Variants in IARS1 observed in about 807,000 individuals in gnomAD.
The protein encoded by IARS1 is isoleucine--tRNA ligase, cytoplasmic.
In IARS1, 124 loss-of-function variants were observed where a neutral mutation model predicts 168.2. The ratio of observed to expected loss-of-function variants is 0.74; its 90% CI spans 0.64 to 0.86. The LOEUF is 0.86. Among genes scored for constraint, IARS1 ranks in the 40% least tolerant of loss-of-function variants. The pLI, the probability that IARS1 is intolerant of heterozygous loss-of-function variation, is 0.00. For missense variants in IARS1, 1,452 were observed against 1,515.8 expected, an observed-to-expected ratio of 0.96 and a Z score of 0.70; for synonymous variants, 532 against 529.4, an observed-to-expected ratio of 1.00 and a Z score of -0.07.
intron 33 of IARS1, among the ~76,000 whole-genome samples, chr9:92,218,706 A>G (rs1215756028): frequency 1.7e-5 from 2 of 117,298 alleles, no homozygotes; most frequent in African/African-American, 8.7e-5. Flanking sequence ...TAGGAATCCA[A>G]CTTACAAGGG....
intron 9 of IARS1, among the ~76,000 whole-genome samples, chr9:92,277,643 C>A (rs1346759262): frequency 6.7e-6 from 1 of 149,750 alleles, no homozygotes; most frequent in Non-Finnish European, 1.5e-5. Flanking sequence ...CCACTGCACT[C>A]CAGCCTGGGG....
Position 92,235,340 on chromosome 9 carries a change from T to C in IARS1, c.3283+5516A>G, listed in dbSNP as rs190597351. On this transcript the variant is annotated intron_variant, in intron 30 of 33. Transcript: ENST00000443024. ...AGGCTTTCCCCATTAGGTATAATGG[T>C]AGCTGTAGGATTTTTGCAAAATGCT... Among the ~76,000 whole-genome samples, 418 of 152,238 alleles carry C rather than the reference T, an allele frequency of 2.7e-3. 2 individuals are homozygous for C. Among genetic ancestry groups the C allele is most frequent in the African/African-American group, 9.3e-3 (387 of 41,536 alleles).
chr9:92,222,424 A>G (rs772408948), intron 33 of IARS1, 96 bp downstream of exon 33: 126 of 806,316 alleles, frequency 1.6e-4, no homozygotes, highest in Non-Finnish European at 2.4e-4. Flanking sequence ...CAGGATAACA[A>G]TAGTACTATC....
At chr9:92,219,381 C>G (rs1839302430) in intron 33 of IARS1, among the ~76,000 whole-genome samples, 1 of 151,086 alleles carries the variant, frequency 6.6e-6, no homozygotes, top group South Asian at 2.1e-4. Flanking sequence ...GTCTAAAACA[C>G]CAAAAGCAAT....
At chr9:92,290,469 A>G (rs1345552662) in intron 1 of IARS1, among the ~76,000 whole-genome samples, 7 of 152,138 alleles carry the variant, frequency 4.6e-5, no homozygotes, top group African/African-American at 9.7e-5. Flanking sequence ...GATTTATAAA[A>G]AATTTCTCCT....
At chr9:92,248,114 A>G (rs1172842932) in intron 25 of IARS1, among the ~76,000 whole-genome samples, 1 of 152,232 alleles carries the variant, frequency 6.6e-6, no homozygotes, top group Non-Finnish European at 1.5e-5. Context: ...ACCCAGAAAT[A>G]TAAACCTCAT....
intron 14 of IARS1, among the ~76,000 whole-genome samples, 178 bp from the exon 15 acceptor site, chr9:92,265,731 C>T (rs536898715): frequency 6.6e-6 from 1 of 152,164 alleles, no homozygotes; most frequent in South Asian, 2.1e-4. Flanking sequence ...AATCACAGCT[C>T]ACTGCAGCCT....
intron 33 of IARS1, among the ~76,000 whole-genome samples, 156 bp from the exon 34 acceptor site, chr9:92,211,045 T>C (rs1837661486): frequency 6.6e-6 from 1 of 152,208 alleles, no homozygotes; most frequent in African/African-American, 2.4e-5. Flanking sequence ...TCTAAATCCT[T>C]GGAATTTCCT....
intron 13 of IARS1, among the ~76,000 whole-genome samples, chr9:92,268,636 C>T (rs1832621987): frequency 6.6e-6 from 1 of 152,236 alleles, no homozygotes; most frequent in East Asian, 1.9e-4. Flanking sequence ...ATTATCCTCA[C>T]CATAGCAGTT....
At position 92,265,490 on chromosome 9, in the gene IARS1, G is replaced by A. The variant is rs1170448215; in HGVS notation, c.1495C>T (p.His499Tyr). The change falls in exon 15 of 34, where the codon CAC becomes TAC. Residue 499 changes from histidine to tyrosine, a missense_variant. Transcript: ENST00000443024. ...CATTTAGAAACTGACCTCTCTCTGT[G>A]GAGATCTGAGATCTTTGCTCCTGAC... is the stretch of plus-strand genomic sequence containing the variant. ...ELSGAKISDL[H>Y]RESVDHLTIP... The A allele has an allele frequency of 6.2e-7, 1 of 1,613,556 alleles. No individual in the cohort carries two copies. Among genetic ancestry groups the A allele is most frequent in the South Asian group, 1.1e-5 (1 of 91,072 alleles).
At chr9:92,255,350 G>A (rs894256483) in intron 20 of IARS1, among the ~76,000 whole-genome samples, 6 of 152,212 alleles carry the variant, frequency 3.9e-5, no homozygotes, top group South Asian at 2.1e-4. Context: ...AGCCCTGTGA[G>A]GGTGGATTTG....
At chr9:92,259,635 G>C (rs1214988631) in intron 18 of IARS1, among the ~76,000 whole-genome samples, 1 of 152,176 alleles carries the variant, frequency 6.6e-6, no homozygotes, top group African/African-American at 2.4e-5. Context: ...CTAGGACACA[G>C]GGATGCTGAA....
At position 92,250,209 on chromosome 9, in the gene IARS1, T is replaced by C; in HGVS notation, c.2510A>G (p.Asp837Gly). The C allele has an allele frequency of 1.2e-6, 2 of 1,610,280 alleles. No individual in the cohort carries two copies. Among genetic ancestry groups the C allele is most frequent in the Non-Finnish European group, 1.7e-6 (2 of 1,176,482 alleles). The change falls in exon 24 of 34, where the codon GAC becomes GGC. Residue 837 changes from aspartate (D) to glycine (G), a missense_variant. Asp to Gly is a moderately conservative substitution (Grantham distance 94, BLOSUM62 -1). Coordinates refer to ENST00000443024, the MANE Select transcript of IARS1 (RefSeq NM_002161.6). Reference protein sequence around the residue: ...SVIELGRVIRDRKTIPIKYPL... With the variant: ...SVIELGRVIRGRKTIPIKYPL... ...AACCTTTATGGGAATAGTTTTTCGG[T>C]CTCTGATCACTCTTCCAAGTTCAAT...
intron 21 of IARS1, among the ~76,000 whole-genome samples, chr9:92,252,579 C>A (rs1378921325): frequency 6.6e-6 from 1 of 151,614 alleles, no homozygotes; most frequent in East Asian, 1.9e-4. Flanking sequence ...CCAGCCTGGC[C>A]AACGTGGTGA....
At chr9:92,249,754 C>G in intron 25 of IARS1, 104 bp downstream of exon 25, 1 of 591,454 alleles carries the variant, frequency 1.7e-6, no homozygotes, top group South Asian at 2.6e-5. Flanking sequence ...TATGACTATA[C>G]TAATAAAAAT....
intron 26 of IARS1, among the ~76,000 whole-genome samples, chr9:92,246,572 A>T (rs911398971): frequency 6.6e-6 from 1 of 152,196 alleles, no homozygotes; most frequent in South Asian, 2.1e-4. Context: ...ACACTTATCA[A>T]AACCATAATT....
chr9:92,257,910 T>C (rs1830955118), intron 19 of IARS1, among the ~76,000 whole-genome samples: 1 of 152,190 alleles, frequency 6.6e-6, no homozygotes, highest in Admixed American at 6.5e-5. Flanking sequence ...ATGAAGGTGA[T>C]GGACGCTGAC....
intron 1 of IARS1, among the ~76,000 whole-genome samples, chr9:92,291,022 C>T (rs1157303976): frequency 6.6e-6 from 1 of 152,014 alleles, no homozygotes; most frequent in Non-Finnish European, 1.5e-5. Flanking sequence ...GAGCCCTATA[C>T]CTTTCTGGTT....
intron 29 of IARS1, 70 bp from the exon 30 acceptor site, chr9:92,241,031 C>T (rs1828319846): frequency 1.2e-6 from 1 of 817,904 alleles, no homozygotes; most frequent in African/African-American, 1.7e-5. Context: ...CATCGTGTAA[C>T]ACAGTGACTT....
Sources: allele counts gnomAD v4.1 joint callset (sites outside exome capture counted in the v4.1 genomes callset), GRCh38; gene constraint gnomAD v4.1.1; transcripts MANE v1.5; gene names NCBI Gene and HGNC (gene_info 2026-07-23, HGNC 2026-07-21).